RFC3: variants seen among roughly 807,000 people sequenced by gnomAD.
RFC3 encodes replication factor C subunit 3.
In RFC3, 41 loss-of-function variants were observed where a neutral mutation model predicts 45.1. The observed-to-expected ratio is 0.91, with a 90% CI of 0.71 to 1.18. The LOEUF (loss-of-function observed/expected upper bound fraction) is 1.18. Among genes scored for constraint, RFC3 ranks in the 50% most tolerant of loss-of-function variants. The probability of loss-of-function intolerance (pLI) is 0.00; values close to 1 mark genes in which losing one functional copy is unlikely to be tolerated. For synonymous variants in RFC3, 149 were observed against 144.0 expected (o/e 1.03, Z -0.25); for missense variants, 423 against 428.1 (o/e 0.99, Z 0.10).
chr13:33,886,518 G>C (rs2082524534), intron 8 of RFC3, among the ~76,000 whole-genome samples: 1 of 143,956 alleles, frequency 6.9e-6, no homozygotes, highest in East Asian at 2.0e-4. Context: ...CTGGGCGACA[G>C]AGCAAGACTC....
At chr13:33,835,453 T>A (rs2082145064) in intron 8 of RFC3, 1 of 682,238 alleles carries the variant, frequency 1.5e-6, no homozygotes, top group Non-Finnish European at 2.7e-6. Context: ...GGAGAACAAA[T>A]AAAGAAGAGA....
At chr13:33,878,395 G>GC (rs1267067360) in intron 8 of RFC3, among the ~76,000 whole-genome samples, 3 of 152,158 alleles carry the variant, frequency 2.0e-5, no homozygotes, top group Non-Finnish European at 4.4e-5. Flanking sequence ...GATGTGAAGT[G>GC]CGTGTACCTT....
At chr13:33,903,438 G>C (rs1165630245) in intron 8 of RFC3, among the ~76,000 whole-genome samples, 1 of 152,078 alleles carries the variant, frequency 6.6e-6, no homozygotes, top group African/African-American at 2.4e-5. Flanking sequence ...AGTTTTGAGT[G>C]TGTATTACCT....
chr13:33,875,805 C>A (rs983069493), intron 8 of RFC3, among the ~76,000 whole-genome samples: 8 of 152,034 alleles, frequency 5.3e-5, no homozygotes, highest in African/African-American at 1.7e-4. Context: ...GAGCAACTGT[C>A]ACTTACAGAC....
chr13:33,834,117 ATTCTT>A (rs2082127781), intron 7 of RFC3, among the ~76,000 whole-genome samples: 1 of 150,092 alleles, frequency 6.7e-6, no homozygotes, highest in South Asian at 2.1e-4. Flanking sequence ...ATTTGTTTCA[ATTCTT>A]ACACATAGCA....
rs536442341 is a variant in RFC3 at position 33,966,456 on chromosome 13, C to G, written c.*331C>G. On this transcript the variant is annotated 3_prime_UTR_variant, in exon 9 of 9. Transcript: ENST00000434425. ...TGGAAGTTTATTTCCATCTGTATCC[C>G]TACATCTAACTCATCTGCTGGTACC... 1.6e-3 allele frequency: 515 copies of G among 330,836 alleles called. 3 individuals are homozygous for G. Among genetic ancestry groups the G allele is most frequent in the African/African-American group, 9.5e-3 (467 of 49,156 alleles). 20.5% of individuals were successfully genotyped at this position (330,836 alleles called of 1,614,324 possible).
intron 8 of RFC3, among the ~76,000 whole-genome samples, chr13:33,874,311 GT>G (rs762625348): frequency 6.6e-6 from 1 of 152,006 alleles, no homozygotes; most frequent in African/African-American, 2.4e-5. Context: ...GCTTCTTTTT[GT>G]TTGTTTTTTT....
At chr13:33,962,554 G>A (rs2083063732) in intron 8 of RFC3, among the ~76,000 whole-genome samples, 2 of 152,238 alleles carry the variant, frequency 1.3e-5, no homozygotes, top group African/African-American at 4.8e-5. Flanking sequence ...ATATCCTAAG[G>A]AACCAATCAG....
At chr13:33,824,854 G>C (rs1419760283) in intron 3 of RFC3, among the ~76,000 whole-genome samples, 1 of 152,110 alleles carries the variant, frequency 6.6e-6, no homozygotes, top group Non-Finnish European at 1.5e-5. Context: ...AGAGAAATAA[G>C]GTTGTTGGGA....
intron 8 of RFC3, among the ~76,000 whole-genome samples, chr13:33,860,424 T>C (rs539629070): frequency 6.6e-6 from 1 of 152,226 alleles, no homozygotes; most frequent in Admixed American, 6.5e-5. Flanking sequence ...CTTTGAGTGC[T>C]CCAGATGTTT....
chr13:33,822,626 A>G (rs1012865218), intron 2 of RFC3, among the ~76,000 whole-genome samples: 1 of 152,204 alleles, frequency 6.6e-6, no homozygotes, highest in African/African-American at 2.4e-5. Context: ...GTGGAAGAGG[A>G]TAAGCCAGCA....
intron 7 of RFC3, 56 bp downstream of exon 7, chr13:33,831,410 C>T: frequency 1.1e-6 from 1 of 883,916 alleles, no homozygotes; most frequent in Non-Finnish European, 1.9e-6. Context: ...TCATAGGACA[C>T]ATATTAACTA....
At chr13:33,943,472 A>G (rs528656090) in intron 8 of RFC3, among the ~76,000 whole-genome samples, 1 of 152,312 alleles carries the variant, frequency 6.6e-6, no homozygotes, top group Admixed American at 6.5e-5. Context: ...AAAGCTGTCT[A>G]GAAGTGAAGA....
chr13:33,972,492 T>C, the RFC3 span, among the ~76,000 whole-genome samples: 1 of 152,238 alleles, frequency 6.6e-6, no homozygotes, highest in Non-Finnish European at 1.5e-5. Context: ...AGTTTGACTT[T>C]ATGTTTTTTG....
chr13:33,897,667 A>G (rs1285197726), intron 8 of RFC3, among the ~76,000 whole-genome samples: 2 of 152,108 alleles, frequency 1.3e-5, no homozygotes, highest in African/African-American at 4.8e-5. Context: ...GCTGCCTTCA[A>G]AAAAGTCACT....
At chr13:33,973,024 A>G in the RFC3 span, among the ~76,000 whole-genome samples, 1 of 152,208 alleles carries the variant, frequency 6.6e-6, no homozygotes, top group African/African-American at 2.4e-5. Context: ...AGTAAAATCC[A>G]TATCAGCTTT....
intron 8 of RFC3, among the ~76,000 whole-genome samples, chr13:33,861,093 A>T (rs1174559813): frequency 2.0e-5 from 3 of 152,118 alleles, no homozygotes; most frequent in Admixed American, 1.3e-4. Flanking sequence ...ATTACATAAC[A>T]TTTTAAAATA....
intron 8 of RFC3, among the ~76,000 whole-genome samples, chr13:33,874,014 C>G (rs1016232007): frequency 1.3e-5 from 2 of 152,098 alleles, no homozygotes; most frequent in African/African-American, 2.4e-5. Context: ...ATTCTAATCT[C>G]TCTATAAAAC....
intron 8 of RFC3, among the ~76,000 whole-genome samples, chr13:33,857,332 A>G (rs947328040): frequency 6.6e-6 from 1 of 152,154 alleles, no homozygotes; most frequent in Non-Finnish European, 1.5e-5. Flanking sequence ...AGCTCTTCCT[A>G]CAGAATGGAC....
Sources: allele counts gnomAD v4.1 joint callset (sites outside exome capture counted in the v4.1 genomes callset), GRCh38; gene constraint gnomAD v4.1.1; transcripts MANE v1.5; gene names NCBI Gene and HGNC (gene_info 2026-07-23, HGNC 2026-07-21).